The following NEB variants were observed in gnomAD, a reference collection of about 807,000 sequenced individuals.
The protein encoded by NEB is nemaline myopathy type 2.
A neutral mutation model predicts 952.2 loss-of-function variants in NEB; 512 were observed. That is an observed-to-expected ratio of 0.54 (90% CI 0.50 to 0.58). The LOEUF (loss-of-function observed/expected upper bound fraction) is 0.58. Among genes scored for constraint, NEB ranks in the 20% least tolerant of loss-of-function variants. NEB has a pLI of 0.00. For missense variants in NEB, 8,428 were observed against 9,231.1 expected, an observed-to-expected ratio of 0.91 and a Z score of 3.56; for synonymous variants, 2,900 against 3,149.8, an observed-to-expected ratio of 0.92 and a Z score of 2.66.
intron 159 of NEB, 141 bp downstream of exon 159, chr2:151,514,177 A>G: frequency 1.5e-6 from 1 of 649,256 alleles, no homozygotes; most frequent in Non-Finnish European, 2.8e-6. Flanking sequence ...ATGGTTAACA[A>G]TTATGTTGAT....
chr2:151,528,957 C>G (rs563162141), intron 146 of NEB, among the ~76,000 whole-genome samples: 1 of 152,216 alleles, frequency 6.6e-6, no homozygotes, highest in Non-Finnish European at 1.5e-5. Context: ...TTCTCAGCCA[C>G]CCACCGCAAA....
chr2:151,502,937 TAAGG>T, intron 166 of NEB, 52 bp from the exon 167 acceptor site: 1 of 1,133,636 alleles, frequency 8.8e-7, no homozygotes, highest in South Asian at 1.4e-5. Context: ...GCACAGAGAG[TAAGG>T]AAGGAAGGAA....
chr2:151,642,515 G>C (rs2098888013), intron 60 of NEB, 59 bp downstream of exon 60: 1 of 1,414,150 alleles, frequency 7.1e-7, no homozygotes, highest in East Asian at 2.3e-5. Flanking sequence ...ATAAATCCAG[G>C]AGAGAGAAAT....
chr2:151,680,995 A>G (rs148184489), intron 29 of NEB, among the ~76,000 whole-genome samples, 167 bp from the exon 30 acceptor site: 3 of 152,336 alleles, frequency 2.0e-5, no homozygotes, highest in East Asian at 1.9e-4. Context: ...ACAAAAGTCA[A>G]TATCTTTAAA....
chr2:151,579,051 A>G (rs1183358137), intron 105 of NEB, among the ~76,000 whole-genome samples: 1 of 138,684 alleles, frequency 7.2e-6, no homozygotes, highest in Non-Finnish European at 1.5e-5. Context: ...ACTGCACTCC[A>G]GCCTGGGTGA....
intron 124 of NEB, among the ~76,000 whole-genome samples, chr2:151,558,599 G>A (rs2095819933): frequency 6.6e-6 from 1 of 152,102 alleles, no homozygotes; most frequent in African/African-American, 2.4e-5. Flanking sequence ...TACCAAAACA[G>A]ATATATAGAC....
chr2:151,508,140 TA>T (rs1559360950), intron 161 of NEB, 31 bp from the exon 162 acceptor site: 1 of 1,490,578 alleles, frequency 6.7e-7, no homozygotes. Context: ...ATAAGGAGGG[TA>T]AACACCACAG....
chr2:151,664,651 G>A (rs1575553033), intron 43 of NEB, 43 bp from the exon 44 acceptor site: 3 of 1,552,166 alleles, frequency 1.9e-6, no homozygotes, highest in East Asian at 4.7e-5. Context: ...TGTTATTGGG[G>A]TTAGAATAGA....
chr2:151,724,830 C>T, intron 7 of NEB, 27 bp downstream of exon 7: 1 of 1,576,318 alleles, frequency 6.3e-7, no homozygotes. Flanking sequence ...CTACTGAGTA[C>T]CCCAGCCATC....
intron 13 of NEB, among the ~76,000 whole-genome samples, chr2:151,704,867 T>G (rs1466043707): frequency 6.6e-6 from 1 of 152,194 alleles, no homozygotes; most frequent in Non-Finnish European, 1.5e-5. Flanking sequence ...GCTGTTCCTA[T>G]TCGGCCATCT....
intron 43 of NEB, 24 bp from the exon 44 acceptor site, chr2:151,664,632 A>G: frequency 6.4e-7 from 1 of 1,573,756 alleles, no homozygotes; most frequent in Admixed American, 1.8e-5. Flanking sequence ...TAGAAAAACA[A>G]CAGCATCTTG....
intron 100 of NEB, 150 bp from the exon 101 acceptor site, chr2:151,583,916 A>T: frequency 1.2e-6 from 1 of 849,682 alleles, no homozygotes; most frequent in Non-Finnish European, 1.7e-6. Flanking sequence ...TTCACTTTAA[A>T]GAAGTTAGAT....
Position 151,663,648 on chromosome 2 carries a change from G to A in NEB, c.5663C>T (p.Ala1888Val), listed in dbSNP as rs567999585. Residue 1888 changes from alanine (A) to valine (V), a missense_variant, in exon 45 of 182, where the codon GCC becomes GTC. Transcript: ENST00000397345. ...VVAAKKSQEV[A>V]TNANYRNVIH... ...CACGTTCCTGTAGTTGGCATTGGTG[G>A]CCACTTCCTGAGACTTCTTGGCTGC... is the stretch of plus-strand genomic sequence containing the variant. The A allele has an allele frequency of 3.7e-6, 6 of 1,613,782 alleles. No homozygotes were observed. Among genetic ancestry groups the A allele is most frequent in the African/African-American group, 1.3e-5 (1 of 75,028 alleles).
In NEB at chr2:151,606,682, T is replaced by C. The variant is rs1441699680; in HGVS notation, c.12671A>G (p.Lys4224Arg). The part of the protein sequence containing the change: ...KLYQKDWNDA[K>R]QKGYDIRADA... ...TGCCCTTATGTCATAGCCTTTCTGC[T>C]TGGCGTCATTCCAGTCTTTTTGGTA... The change falls in exon 84 of 182, where the codon AAG (lysine) becomes AGG (arginine). Residue 4224 changes from lysine to arginine, a missense_variant. Around this residue, in one of 11 missense-constraint regions of NEB, gnomAD observed 14 missense variants for 46.4 expected, o/e 0.30. Transcript: ENST00000397345. The C allele has an allele frequency of 3.2e-6, 3 of 948,102 alleles. 1 individual carries two copies. 58.7% of individuals were successfully genotyped at this position (948,102 alleles called of 1,614,324 possible). A position where few individuals can be genotyped will look rare whatever the true frequency, so the allele number is the denominator to read the frequency against.
intron 138 of NEB, among the ~76,000 whole-genome samples, chr2:151,539,096 T>G (rs1193173296): frequency 3.9e-5 from 6 of 152,046 alleles, no homozygotes; most frequent in Non-Finnish European, 7.4e-5. Flanking sequence ...AAGATTAGAG[T>G]TATCAGAATT....
intron 13 of NEB, among the ~76,000 whole-genome samples, chr2:151,698,894 G>C (rs1222062703): frequency 6.8e-6 from 1 of 147,670 alleles, no homozygotes; most frequent in Non-Finnish European, 1.5e-5. Context: ...TATACTTTAA[G>C]TTTTAGGGTA....
At chr2:151,702,438 G>A (rs901482992) in intron 13 of NEB, among the ~76,000 whole-genome samples, 23 of 152,116 alleles carry the variant, frequency 1.5e-4, no homozygotes, top group African/African-American at 2.9e-4. Context: ...TTTCTGTCTC[G>A]TTGATCTGTC....
rs376876225 is a variant in NEB at position 151,697,768 on chromosome 2, TAA to T, written c.1153-122_1153-121del. Reference sequence around the variant, plus strand: ...AAAAGATATCGCCTGTCAACTGTCTTAAAAACTGACAATTGAGGCCAGGTGCG... The same window carrying T: ...AAAAGATATCGCCTGTCAACTGTCTTAAACTGACAATTGAGGCCAGGTGCG... On this transcript the variant is annotated intron_variant, in intron 13 of 181. Coordinates refer to ENST00000397345, the MANE Select transcript of NEB (RefSeq NM_001164508.2). 6 of 720,994 alleles carry T rather than the reference TAA, an allele frequency of 8.3e-6. No homozygotes were observed. In the Admixed American group the frequency reaches 1.6e-4, roughly 19 times the overall value. 44.7% of individuals were successfully genotyped at this position (720,994 alleles called of 1,614,324 possible).
chr2:151,604,284 T>C (rs1271289984), intron 85 of NEB, among the ~76,000 whole-genome samples: 6 of 114,038 alleles, frequency 5.3e-5, no homozygotes, highest in African/African-American at 2.6e-4. Flanking sequence ...TATATGATTA[T>C]GCAAAGGTAA....
Sources: gnomAD v4.1 joint callset for allele counts (sites outside exome capture counted in the v4.1 genomes callset) on GRCh38, gnomAD v4.1.1 for gene constraint, gnomAD v4.1.1 regional missense constraint, MANE v1.5 for transcripts, NCBI Gene and HGNC (gene_info 2026-07-23, HGNC 2026-07-21) for gene names.